The following RCAN2 variants were observed in gnomAD, a reference collection of about 807,000 sequenced individuals.
The protein encoded by RCAN2 is regulator of calcineurin 2.
Under a neutral mutation model 23.6 loss-of-function variants are expected in RCAN2, and 9 were observed. That is an observed-to-expected ratio of 0.38 (90% CI 0.23 to 0.67). The LOEUF is 0.67. Ranked by LOEUF, RCAN2 falls within the 30% of genes least tolerant of loss-of-function variation. RCAN2 has a pLI of 0.51. For synonymous variants in RCAN2, 109 were observed against 115.7 expected (o/e 0.94, Z 0.37); for missense variants, 273 against 302.3 (o/e 0.90, Z 0.72).
chr6:46,396,787 C>G (rs1010847455), intron 2 of RCAN2, among the ~76,000 whole-genome samples: 1 of 152,144 alleles, frequency 6.6e-6, no homozygotes, highest in Admixed American at 6.5e-5. Flanking sequence ...CTTCTTATCT[C>G]TATTACAACC....
chr6:46,481,817 T>G (rs1768867484), intron 1 of RCAN2, among the ~76,000 whole-genome samples: 3 of 152,160 alleles, frequency 2.0e-5, no homozygotes, highest in South Asian at 4.1e-4. Flanking sequence ...TTGCCATGAT[T>G]GACAATAGAT....
At chr6:46,259,677 T>A (rs1259418509) in intron 2 of RCAN2, among the ~76,000 whole-genome samples, 4 of 152,154 alleles carry the variant, frequency 2.6e-5, no homozygotes, top group Admixed American at 2.6e-4. Flanking sequence ...TAGTGCCAGA[T>A]CCCAAAGGTT....
At chr6:46,358,589 G>T (rs1764909697) in intron 2 of RCAN2, among the ~76,000 whole-genome samples, 1 of 152,194 alleles carries the variant, frequency 6.6e-6, no homozygotes, top group South Asian at 2.1e-4. Context: ...TACACTTGAT[G>T]AGTGACTCTC....
intron 2 of RCAN2, among the ~76,000 whole-genome samples, chr6:46,350,996 T>A (rs1226297715): frequency 6.6e-6 from 1 of 152,230 alleles, no homozygotes; most frequent in Non-Finnish European, 1.5e-5. Context: ...ATGATAATAG[T>A]ATCACCTTCT....
intron 2 of RCAN2, among the ~76,000 whole-genome samples, chr6:46,361,252 C>G (rs1407983909): frequency 6.6e-6 from 1 of 151,998 alleles, no homozygotes; most frequent in African/African-American, 2.4e-5. Flanking sequence ...TGTAATGAGA[C>G]CAGAAATCAA....
chr6:46,293,947 T>C (rs1305691083), intron 2 of RCAN2, among the ~76,000 whole-genome samples: 1 of 152,154 alleles, frequency 6.6e-6, no homozygotes, highest in African/African-American at 2.4e-5. Flanking sequence ...TACTTTTTTT[T>C]TGAGAATTGG....
intron 2 of RCAN2, among the ~76,000 whole-genome samples, chr6:46,432,416 T>C (rs905415715): frequency 1.3e-5 from 2 of 152,164 alleles, no homozygotes; most frequent in Non-Finnish European, 2.9e-5. Context: ...TTTCTCCATG[T>C]TGGCCAGGCT....
chr6:46,347,355 T>C (rs1214141509), intron 2 of RCAN2, among the ~76,000 whole-genome samples: 5 of 152,164 alleles, frequency 3.3e-5, no homozygotes, highest in Non-Finnish European at 4.4e-5. Context: ...ATCAAGTTAG[T>C]GATAAAATGA....
chr6:46,434,398 C>A (rs1242649846), intron 2 of RCAN2, among the ~76,000 whole-genome samples: 2 of 152,098 alleles, frequency 1.3e-5, no homozygotes, highest in South Asian at 2.1e-4. Flanking sequence ...GAGGCCCATG[C>A]AGAAACACTC....
intron 1 of RCAN2, among the ~76,000 whole-genome samples, chr6:46,485,183 C>G (rs966319428): frequency 1.3e-5 from 2 of 152,112 alleles, no homozygotes; most frequent in Admixed American, 6.6e-5. Flanking sequence ...TAATTGGGAA[C>G]AATCTGAATG....
intron 4 of RCAN2, among the ~76,000 whole-genome samples, chr6:46,234,575 C>G (rs1048566250): frequency 6.6e-6 from 1 of 152,198 alleles, no homozygotes; most frequent in African/African-American, 2.4e-5. Context: ...GTTGACCCAT[C>G]ACATGCTCAC....
intron 1 of RCAN2, among the ~76,000 whole-genome samples, chr6:46,477,756 C>T (rs1022177490): frequency 1.8e-4 from 28 of 152,252 alleles, no homozygotes; most frequent in African/African-American, 6.3e-4. Context: ...GTTGAAGACC[C>T]GGCAAGGATG....
At chr6:46,390,754 G>C (rs557970922) in intron 2 of RCAN2, among the ~76,000 whole-genome samples, 3 of 152,308 alleles carry the variant, frequency 2.0e-5, no homozygotes, top group South Asian at 4.1e-4. Flanking sequence ...GAAGATTAAA[G>C]GTGAGTGATA....
chr6:46,317,755 G>A (rs1025105991), intron 2 of RCAN2, among the ~76,000 whole-genome samples: 2 of 152,116 alleles, frequency 1.3e-5, no homozygotes, highest in Non-Finnish European at 2.9e-5. Context: ...GTAAGGCACC[G>A]CGCCCGGCCT....
chr6:46,259,853 C>T (rs1440280325), intron 2 of RCAN2, among the ~76,000 whole-genome samples: 1 of 152,188 alleles, frequency 6.6e-6, no homozygotes, highest in Non-Finnish European at 1.5e-5. Context: ...TACTTATGCT[C>T]ATCCTTTTAT....
chr6:46,368,758 G>A (rs1440161742), intron 2 of RCAN2, among the ~76,000 whole-genome samples: 1 of 152,156 alleles, frequency 6.6e-6, no homozygotes, highest in African/African-American at 2.4e-5. Flanking sequence ...TTTAGGGCTG[G>A]GAGTTGCCCT....
intron 2 of RCAN2, among the ~76,000 whole-genome samples, chr6:46,406,225 CG>C (rs1439798826): frequency 6.6e-6 from 1 of 152,206 alleles, no homozygotes; most frequent in Non-Finnish European, 1.5e-5. Context: ...AGTGCAGCGG[CG>C]GGCCAAAGGG....
chr6:46,277,885 A>G (rs116610903), intron 2 of RCAN2, among the ~76,000 whole-genome samples: 2,874 of 152,296 alleles, frequency 0.019, 84 homozygotes, highest in African/African-American at 0.062. Flanking sequence ...GAGACAAAGT[A>G]CTAAAAGTAG....
intron 2 of RCAN2, among the ~76,000 whole-genome samples, chr6:46,276,684 G>A (rs767188868): frequency 6.6e-5 from 10 of 152,166 alleles, no homozygotes; most frequent in East Asian, 1.9e-4. Context: ...CCATAAGCTC[G>A]TACATAAGGA....
Sources: allele counts gnomAD v4.1 joint callset (sites outside exome capture counted in the v4.1 genomes callset), GRCh38; gene constraint gnomAD v4.1.1; transcripts MANE v1.5; gene names NCBI Gene and HGNC (gene_info 2026-07-23, HGNC 2026-07-21).